The following DCAF7 variants were observed in gnomAD, a reference collection of about 807,000 sequenced individuals.
DCAF7 encodes the protein DDB1- and CUL4-associated factor 7.
DCAF7 carries 4 observed loss-of-function variants against 41.2 expected under a neutral mutation model. That is an observed-to-expected ratio of 0.10 (90% CI 0.05 to 0.22). DCAF7 has a LOEUF of 0.22. Among genes scored for constraint, DCAF7 ranks in the 10% least tolerant of loss-of-function variants. DCAF7 has a pLI of 1.00. For missense variants in DCAF7, 131 were observed against 443.2 expected, an observed-to-expected ratio of 0.30 and a Z score of 6.32; for synonymous variants, 143 against 164.2, an observed-to-expected ratio of 0.87 and a Z score of 0.99.
chr17:63,559,431 A>G (rs55966485), intron 1 of DCAF7, among the ~76,000 whole-genome samples: 24,179 of 97,240 alleles, frequency 0.25, 2,896 homozygotes, highest in Middle Eastern at 0.41. Context: ...GTATATATAT[A>G]TGTGTGTGTA....
chr17:63,568,638 C>T (rs2033471098), intron 1 of DCAF7, among the ~76,000 whole-genome samples: 1 of 152,082 alleles, frequency 6.6e-6, no homozygotes, highest in Non-Finnish European at 1.5e-5. Flanking sequence ...GTTCGTTGCT[C>T]GCAAGAAACA....
At chr17:63,560,786 G>A (rs776308454) in intron 1 of DCAF7, among the ~76,000 whole-genome samples, 8 of 152,158 alleles carry the variant, frequency 5.3e-5, no homozygotes, top group Non-Finnish European at 1.0e-4. Flanking sequence ...ACTTCAGAAA[G>A]AGGAATAAAC....
At chr17:63,572,459 G>A (rs2147770120) in intron 1 of DCAF7, among the ~76,000 whole-genome samples, 1 of 152,250 alleles carries the variant, frequency 6.6e-6, no homozygotes, top group Non-Finnish European at 1.5e-5. Flanking sequence ...TGGAATATAA[G>A]GTAAGTTAGG....
At chr17:63,578,732 C>T in intron 2 of DCAF7, 104 bp downstream of exon 2, 1 of 1,475,908 alleles carries the variant, frequency 6.8e-7, no homozygotes, top group South Asian at 1.2e-5. Flanking sequence ...CAGCGAGTGT[C>T]ATTGCAGCAC....
At chr17:63,577,810 C>G (rs2033578801) in intron 1 of DCAF7, among the ~76,000 whole-genome samples, 2 of 152,248 alleles carry the variant, frequency 1.3e-5, no homozygotes, top group East Asian at 3.9e-4. Flanking sequence ...AAGAACCACC[C>G]CTGGTCATTT....
intron 1 of DCAF7, 137 bp from the exon 2 acceptor site, chr17:63,578,333 C>T: frequency 8.0e-7 from 1 of 1,245,242 alleles, no homozygotes; most frequent in East Asian, 2.4e-5. Flanking sequence ...CACTGCACTC[C>T]AGCCTGGGCA....
intron 1 of DCAF7, among the ~76,000 whole-genome samples, chr17:63,556,231 A>G (rs966756536): frequency 6.6e-6 from 1 of 152,250 alleles, no homozygotes; most frequent in Non-Finnish European, 1.5e-5. Context: ...TTACATATAC[A>G]TACACACATT....
chr17:63,554,467 C>T (rs2033290881), intron 1 of DCAF7, among the ~76,000 whole-genome samples: 1 of 152,348 alleles, frequency 6.6e-6, no homozygotes, highest in East Asian at 1.9e-4. Context: ...TGGCCAGAGG[C>T]GAGAATGTGA....
intron 1 of DCAF7, among the ~76,000 whole-genome samples, chr17:63,571,688 C>T (rs534915706): frequency 2.0e-5 from 3 of 152,036 alleles, no homozygotes; most frequent in African/African-American, 7.2e-5. Context: ...AAGTCATTAC[C>T]TCTTCTGAAA....
At chr17:63,580,081 T>C (rs1288337973) in intron 4 of DCAF7, 138 bp downstream of exon 4, 4 of 694,470 alleles carry the variant, frequency 5.8e-6, no homozygotes, top group Non-Finnish European at 9.9e-6. Flanking sequence ...AAATTGACAA[T>C]AGTAATGTAT....
In DCAF7 at chr17:63,583,486, T is replaced by C. The variant is rs758298280; in HGVS notation, c.529-16T>C. 2.3e-5 allele frequency: 37 copies of C among 1,611,060 alleles called. No homozygotes were observed. The highest frequency in any genetic ancestry group is 2.9e-5 in the Non-Finnish European group (34 of 1,177,988). On this transcript the variant is annotated splice_polypyrimidine_tract_variant and intron_variant, in intron 4 of 6. Coordinates refer to ENST00000614556, the MANE Select transcript of DCAF7 (RefSeq NM_005828.5). ...AATGGATCTGAATCTGACTGGAGCTTCTTGTTCACCAACAGGTCTATGATA... is the reference window on the plus strand; with the variant it reads ...AATGGATCTGAATCTGACTGGAGCTCCTTGTTCACCAACAGGTCTATGATA...
chr17:63,561,899 G>T (rs1176581777), intron 1 of DCAF7, among the ~76,000 whole-genome samples: 1 of 151,758 alleles, frequency 6.6e-6, no homozygotes, highest in Non-Finnish European at 1.5e-5. Context: ...GGAACCTGAA[G>T]CTCAGCTATG....
At chr17:63,561,634 G>A (rs757564047) in intron 1 of DCAF7, among the ~76,000 whole-genome samples, 15 of 152,218 alleles carry the variant, frequency 9.9e-5, no homozygotes, top group Admixed American at 4.6e-4. Flanking sequence ...TGGGAGGATC[G>A]CTTGAGCCCA....
intron 1 of DCAF7, chr17:63,552,573 C>G (rs1056136979): frequency 9.2e-5 from 14 of 152,166 alleles, no homozygotes; most frequent in African/African-American, 3.1e-4. Flanking sequence ...AAAATTAAGA[C>G]CACTAGAACT....
intron 1 of DCAF7, among the ~76,000 whole-genome samples, chr17:63,565,455 A>G (rs1268982296): frequency 6.6e-6 from 1 of 151,996 alleles, no homozygotes; most frequent in Non-Finnish European, 1.5e-5. Flanking sequence ...CATGCCTATA[A>G]TCCTAGCTAC....
At chr17:63,565,884 T>C (rs2033434799) in intron 1 of DCAF7, among the ~76,000 whole-genome samples, 1 of 152,092 alleles carries the variant, frequency 6.6e-6, no homozygotes, top group African/African-American at 2.4e-5. Flanking sequence ...GCAAATCACT[T>C]GAGGTCAGGA....
At chr17:63,570,180 G>T (rs969529871) in intron 1 of DCAF7, among the ~76,000 whole-genome samples, 1 of 152,218 alleles carries the variant, frequency 6.6e-6, no homozygotes, top group South Asian at 2.1e-4. Flanking sequence ...AAGGCAAGGC[G>T]TGATGGCTCA....
chr17:63,593,624 C>T lies in DCAF7; in HGVS notation c.*4452C>T, dbSNP rs1291590611. The stretch of plus-strand genomic sequence containing the variant: ...ATATCTACTATTTAAAAGAAATGTT[C>T]TCACCTTGGGTTGATTGTGGTATAC... On this transcript the variant is annotated 3_prime_UTR_variant, in exon 7 of 7. Coordinates refer to ENST00000614556, the MANE Select transcript of DCAF7 (RefSeq NM_005828.5). 2 of 152,612 alleles carry T rather than the reference C, an allele frequency of 1.3e-5. No homozygotes were observed. Among genetic ancestry groups the T allele is most frequent in the Non-Finnish European group, 2.9e-5 (2 of 68,038 alleles). The allele number at this position is 152,612 out of a possible 1,614,324, so 9.5% of individuals were successfully genotyped here.
intron 1 of DCAF7, among the ~76,000 whole-genome samples, chr17:63,575,222 A>G (rs1422214343): frequency 2.0e-5 from 3 of 152,062 alleles, no homozygotes; most frequent in African/African-American, 4.8e-5. Context: ...TTCCAGCAAC[A>G]TGGGAGGCTG....
Sources: allele counts gnomAD v4.1 joint callset (sites outside exome capture counted in the v4.1 genomes callset), GRCh38; gene constraint gnomAD v4.1.1; transcripts MANE v1.5; gene names NCBI Gene and HGNC (gene_info 2026-07-23, HGNC 2026-07-21).